The following NRG3 variants were observed in gnomAD, a reference collection of about 807,000 sequenced individuals.
NRG3 encodes the protein pro-neuregulin-3, membrane-bound isoform.
A neutral mutation model predicts 66.9 loss-of-function variants in NRG3; 31 were observed. The ratio of observed to expected loss-of-function variants is 0.46; its 90% CI spans 0.35 to 0.63. The LOEUF is 0.63. Ranked by LOEUF, NRG3 falls within the 20% of genes least tolerant of loss-of-function variation. The pLI, the probability that NRG3 is intolerant of heterozygous loss-of-function variation, is 0.00. For synonymous variants in NRG3, 393 were observed against 359.4 expected (o/e 1.09, Z -1.06); for missense variants, 910 against 878.9 (o/e 1.04, Z -0.45).
intron 4 of NRG3, among the ~76,000 whole-genome samples, chr10:82,876,333 T>C (rs886411572): frequency 6.6e-5 from 10 of 152,220 alleles, no homozygotes; most frequent in African/African-American, 2.4e-4. Context: ...AAACATTAAT[T>C]ATGTAGTAAT....
intron 1 of NRG3, among the ~76,000 whole-genome samples, chr10:82,051,454 G>C (rs1365026369): frequency 6.6e-6 from 1 of 152,108 alleles, no homozygotes; most frequent in Non-Finnish European, 1.5e-5. Flanking sequence ...GCTCCTACCT[G>C]AAACCCAAAT....
At chr10:81,967,122 C>T (rs2059760810) in intron 1 of NRG3, among the ~76,000 whole-genome samples, 1 of 150,824 alleles carries the variant, frequency 6.6e-6, no homozygotes, top group Admixed American at 6.6e-5. Flanking sequence ...TTAATAGGTC[C>T]CTAATATTCA....
intron 3 of NRG3, among the ~76,000 whole-genome samples, chr10:82,786,853 A>G (rs975423336): frequency 3.3e-5 from 5 of 152,078 alleles, no homozygotes; most frequent in African/African-American, 9.7e-5. Flanking sequence ...TGTCATGGGA[A>G]TGGGTTTCTG....
chr10:82,404,810 T>A (rs572037112), intron 2 of NRG3, among the ~76,000 whole-genome samples: 391 of 152,318 alleles, frequency 2.6e-3, no homozygotes, highest in African/African-American at 8.5e-3. Flanking sequence ...CACCCATTTT[T>A]GCATTAAATG....
chr10:81,928,732 C>A (rs113552526), intron 1 of NRG3, among the ~76,000 whole-genome samples: 1 of 152,036 alleles, frequency 6.6e-6, no homozygotes, highest in Non-Finnish European at 1.5e-5. Context: ...TAATAAGAGC[C>A]GTAATAGTAT....
At chr10:82,954,755 A>G (rs1024124331) in intron 5 of NRG3, among the ~76,000 whole-genome samples, 5 of 150,922 alleles carry the variant, frequency 3.3e-5, no homozygotes, top group Non-Finnish European at 7.4e-5. Flanking sequence ...CACCTAATTT[A>G]TATTGCTAAA....
rs1853444862 is a variant in NRG3, at chr10:82,986,530, A to G, written c.*925A>G. 2 of 152,326 alleles carry G rather than the reference A, an allele frequency of 1.3e-5. No individual in the cohort carries two copies. Among genetic ancestry groups the G allele is most frequent in the South Asian group, 4.1e-4 (2 of 4,828 alleles). The allele number at this position is 152,326 out of a possible 1,614,324, so 9.4% of individuals were successfully genotyped here. ...ATCAGGGAATCTACTATTCAGAAAA[A>G]TTATTTCCCTCTTAGATCTTTTCAC... On this transcript the variant is annotated 3_prime_UTR_variant, in exon 9 of 9. Coordinates refer to ENST00000372141, the MANE Select transcript of NRG3 (RefSeq NM_001010848.4).
At chr10:82,245,359 G>A (rs537526572) in intron 1 of NRG3, among the ~76,000 whole-genome samples, 3 of 152,324 alleles carry the variant, frequency 2.0e-5, no homozygotes, top group African/African-American at 7.2e-5. Context: ...AAATACAGAT[G>A]AAGCTTTGCT....
intron 1 of NRG3, among the ~76,000 whole-genome samples, chr10:82,061,663 G>T (rs1272916767): frequency 1.3e-5 from 2 of 152,114 alleles, no homozygotes; most frequent in African/African-American, 2.4e-5. Context: ...CTCAGTGAAT[G>T]CTGGGGTATC....
At chr10:82,799,419 A>G (rs1467059809) in intron 3 of NRG3, among the ~76,000 whole-genome samples, 2 of 151,436 alleles carry the variant, frequency 1.3e-5, no homozygotes, top group South Asian at 2.1e-4. Context: ...CCAGCTACTC[A>G]GGAGGCTGAG....
intron 3 of NRG3, among the ~76,000 whole-genome samples, chr10:82,862,965 A>G (rs772217210): frequency 6.6e-6 from 1 of 152,098 alleles, no homozygotes; most frequent in African/African-American, 2.4e-5. Context: ...GTAGGTTTTA[A>G]GCCCCACATG....
At chr10:82,291,011 A>G (rs1340370702) in intron 1 of NRG3, among the ~76,000 whole-genome samples, 4 of 151,944 alleles carry the variant, frequency 2.6e-5, no homozygotes, top group Non-Finnish European at 4.4e-5. Flanking sequence ...TTTTCTTTTG[A>G]ACTGAAATAA....
chr10:81,884,429 T>A (rs1252365752), intron 1 of NRG3, among the ~76,000 whole-genome samples: 1 of 152,232 alleles, frequency 6.6e-6, no homozygotes, highest in African/African-American at 2.4e-5. Flanking sequence ...CTTGTTTATT[T>A]TTTAAGTTTT....
chr10:82,460,576 TGAGATGA>T (rs1438187827), intron 2 of NRG3, among the ~76,000 whole-genome samples: 29 of 152,220 alleles, frequency 1.9e-4, no homozygotes, highest in Non-Finnish European at 2.6e-4. Context: ...AGGAAAAAAC[TGAGATGA>T]GAATGACATA....
At chr10:82,861,031 T>C (rs11196259) in intron 3 of NRG3, among the ~76,000 whole-genome samples, 35,494 of 152,040 alleles carry the variant, frequency 0.23, 4,608 homozygotes, top group East Asian at 0.52. Context: ...TGTCATCTGT[T>C]CTTCATGGAT....
At chr10:82,933,236 T>TTTTA (rs150686836) in intron 4 of NRG3, among the ~76,000 whole-genome samples, 7,945 of 151,758 alleles carry the variant, frequency 0.052, 299 homozygotes, top group East Asian at 0.2. Flanking sequence ...GGACTGTGGC[T>TTTTA]TTTATTTATT....
intron 2 of NRG3, among the ~76,000 whole-genome samples, chr10:82,524,785 G>C (rs1442783179): frequency 6.6e-6 from 1 of 151,712 alleles, no homozygotes; most frequent in Non-Finnish European, 1.5e-5. Context: ...GATCTTCTCT[G>C]ATCACTCTGA....
intron 4 of NRG3, among the ~76,000 whole-genome samples, chr10:82,880,769 C>CT (rs1842234096): frequency 6.6e-6 from 1 of 152,122 alleles, no homozygotes. Context: ...GTAACAAATA[C>CT]TTTTTTAGGC....
chr10:82,885,535 G>T (rs1842648587), intron 4 of NRG3, among the ~76,000 whole-genome samples: 1 of 152,166 alleles, frequency 6.6e-6, no homozygotes, highest in Non-Finnish European at 1.5e-5. Flanking sequence ...AAAGCTTCTG[G>T]TTATGTAAAA....
Sources: gnomAD v4.1 joint callset for allele counts (sites outside exome capture counted in the v4.1 genomes callset) on GRCh38, gnomAD v4.1.1 for gene constraint, MANE v1.5 for transcripts, NCBI Gene and HGNC (gene_info 2026-07-23, HGNC 2026-07-21) for gene names.